MCM5: variants seen among roughly 807,000 people sequenced by gnomAD.
The protein encoded by MCM5 is minichromosome maintenance complex component 5, also known as DNA replication licensing factor MCM5.
A neutral mutation model predicts 79.9 loss-of-function variants in MCM5; 46 were observed. The observed-to-expected ratio is 0.58, with a 90% confidence interval of 0.45 to 0.74. The LOEUF (loss-of-function observed/expected upper bound fraction) is 0.74. MCM5 is among the 30% of genes least tolerant of loss of function. MCM5 has a pLI of 0.00. For synonymous variants in MCM5, 404 were observed against 390.5 expected (o/e 1.03, Z -0.41); for missense variants, 883 against 1,017.0 (o/e 0.87, Z 1.79).
In MCM5 at chr22:35,401,786, C is replaced by G. The variant is rs1932061917; in HGVS notation, c.167+1181C>G. The G allele has an allele frequency of 9.3e-5, 42 of 450,394 alleles. 1 individual carries two copies. Among genetic ancestry groups the G allele is most frequent in the South Asian group, 6.6e-4 (42 of 63,264 alleles). 27.9% of individuals were successfully genotyped at this position (450,394 alleles called of 1,614,324 possible). A position where few individuals can be genotyped will look rare whatever the true frequency, so the allele number is the denominator to read the frequency against. On this transcript the variant is annotated intron_variant, in intron 2 of 16. Transcript: ENST00000216122. The stretch of plus-strand genomic sequence containing the variant: ...GTCGTGAAGACCAACAGATAACTTC[C>G]ACGGTGGTCATTTCCTCCACAGAGG...
At chr22:35,439,442 T>C in the MCM5 span, among the ~76,000 whole-genome samples, 1 of 5,976 alleles carries the variant, frequency 1.7e-4, no homozygotes, top group East Asian at 1.3e-3. Context: ...CACCCACATA[T>C]TAATCCATTC....
chr22:35,437,796 C>T, the MCM5 span, among the ~76,000 whole-genome samples: 2 of 152,152 alleles, frequency 1.3e-5, no homozygotes, highest in East Asian at 3.8e-4. Context: ...AAAACTGATG[C>T]TGGTTTAATG....
the MCM5 span, among the ~76,000 whole-genome samples, chr22:35,430,881 A>G: frequency 1.4e-5 from 2 of 147,330 alleles, no homozygotes; most frequent in African/African-American, 5.1e-5. Flanking sequence ...CCTTGTCTCT[A>G]GCTTTGGTCT....
At chr22:35,403,370 C>T (rs1219770503) in intron 3 of MCM5, 37 bp downstream of exon 3, 1 of 1,614,104 alleles carries the variant, frequency 6.2e-7, no homozygotes, top group Non-Finnish European at 8.5e-7. Context: ...CCCAGGGCTG[C>T]TCTGCCCCAG....
Position 35,423,195 on chromosome 22 carries a change from C to T in MCM5, c.1976-19C>T. 6.5e-7 allele frequency: 1 copy of T among 1,543,972 alleles called. No homozygotes were observed. On this transcript the variant is annotated intron_variant, in intron 15 of 16. Transcript: ENST00000216122. The stretch of plus-strand genomic sequence containing the variant: ...CATTGTCCCAGCTCCCCGGCTGCCT[C>T]ACTTCTCCATGCCCACAGGGGTGGA...
chr22:35,411,024 C>T, intron 7 of MCM5, 114 bp downstream of exon 7: 1 of 916,324 alleles, frequency 1.1e-6, no homozygotes, highest in Non-Finnish European at 1.6e-6. Flanking sequence ...TTGTGTTGCT[C>T]ATATCATTAG....
chr22:35,400,749 G>C (rs1932020837), intron 2 of MCM5, 144 bp downstream of exon 2: 3 of 805,720 alleles, frequency 3.7e-6, no homozygotes, highest in Non-Finnish European at 5.7e-6. Context: ...GGCTCATCCC[G>C]GCAGCCTCAC....
rs761707670 is a variant in MCM5, at chr22:35,400,463, A to G, written c.25A>G (p.Ile9Val). Residue 9 changes from isoleucine to valine, a missense_variant, in exon 2 of 17, where the codon ATT becomes GTT. This residue lies in a region of MCM5 where 455 missense variants were observed against 517.5 expected (regional missense o/e 0.88). Transcript: ENST00000216122. ...CATGTCGGGATTCGACGATCCTGGCATTTTCTACAGCGACAGCTTCGGGGG... is the reference window on the plus strand; with the variant it reads ...CATGTCGGGATTCGACGATCCTGGCGTTTTCTACAGCGACAGCTTCGGGGG... MSGFDDPG[I>V]FYSDSFGGDA... 8 of 1,614,008 alleles carry G rather than the reference A, an allele frequency of 5.0e-6. No homozygotes were observed. Among genetic ancestry groups the G allele is most frequent in the South Asian group, 2.2e-5 (2 of 91,080 alleles).
In MCM5 at chr22:35,425,277, A is replaced by C. The variant is rs939858804; in HGVS notation, c.*1022A>C. ...GTGAAATAAAATATTTGATATTTAA[A>C]ATACATTTAGAAATACAAAGTGTCA... is the stretch of plus-strand genomic sequence containing the variant. On this transcript the variant is annotated 3_prime_UTR_variant, in exon 17 of 17. Coordinates refer to ENST00000216122, the MANE Select transcript of MCM5 (RefSeq NM_006739.4). The C allele has an allele frequency of 6.6e-6, 1 of 152,264 alleles. No homozygotes were observed. Among genetic ancestry groups the C allele is most frequent in the Non-Finnish European group, 1.5e-5 (1 of 68,046 alleles). 9.4% of individuals were successfully genotyped at this position (152,264 alleles called of 1,614,324 possible).
At chr22:35,421,733 G>T in intron 15 of MCM5, 1 of 494,868 alleles carries the variant, frequency 2.0e-6, no homozygotes, top group South Asian at 2.0e-5. Context: ...TCACTGGCTA[G>T]GAACAACAGT....
At chr22:35,448,328 C>G in the MCM5 span, among the ~76,000 whole-genome samples, 2 of 152,032 alleles carry the variant, frequency 1.3e-5, no homozygotes, top group African/African-American at 4.8e-5. Flanking sequence ...TCTGGGGTCC[C>G]AGCCTCCTTT....
At chr22:35,447,047 A>G in the MCM5 span, among the ~76,000 whole-genome samples, 7 of 152,202 alleles carry the variant, frequency 4.6e-5, no homozygotes, top group African/African-American at 1.4e-4. Flanking sequence ...GAACCAGCTC[A>G]GGGACGGCAG....
chr22:35,418,475 C>T (rs1338144790), intron 13 of MCM5, among the ~76,000 whole-genome samples: 2 of 152,040 alleles, frequency 1.3e-5, no homozygotes, highest in Non-Finnish European at 2.9e-5. Flanking sequence ...GCCTGGCCAA[C>T]GTGGCGAAAC....
At chr22:35,403,652 T>A in intron 4 of MCM5, 110 bp downstream of exon 4, 1 of 1,344,374 alleles carries the variant, frequency 7.4e-7, no homozygotes, top group Non-Finnish European at 1.0e-6. Flanking sequence ...TCTGAACCTG[T>A]CTCCTCCTGG....
chr22:35,453,827 G>GAGAT, the MCM5 span, among the ~76,000 whole-genome samples: 2 of 137,382 alleles, frequency 1.5e-5, no homozygotes, highest in Non-Finnish European at 3.2e-5. Context: ...TATAGAGAGA[G>GAGAT]AGAGAGAGAG....
At chr22:35,430,350 A>T (rs1932803992), downstream of MCM5, among the ~76,000 whole-genome samples, 1 of 152,212 alleles carries the variant, frequency 6.6e-6, no homozygotes, top group Non-Finnish European at 1.5e-5. Flanking sequence ...GATACAGTGA[A>T]ATAACAAGAG....
chr22:35,428,626 TAA>T (rs1932792658), downstream of MCM5, among the ~76,000 whole-genome samples: 1 of 152,184 alleles, frequency 6.6e-6, no homozygotes, highest in Non-Finnish European at 1.5e-5. Flanking sequence ...TGGCTTGCTC[TAA>T]CAGAAGGGCT....
rs909558843 is a variant in MCM5 at position 35,420,108 on chromosome 22, C to T, written c.1832+96C>T. On this transcript the variant is annotated intron_variant, in intron 14 of 16. Coordinates refer to ENST00000216122, the MANE Select transcript of MCM5 (RefSeq NM_006739.4). ...CAGGGGCAGTGGTCCAGGCTTTTCACTTGGCACAGGCCCATAGTAGCTCTG... is the reference window on the plus strand; with the variant it reads ...CAGGGGCAGTGGTCCAGGCTTTTCATTTGGCACAGGCCCATAGTAGCTCTG... 1.4e-5 allele frequency: 20 copies of T among 1,434,564 alleles called. No homozygotes were observed. In the African/African-American group the frequency reaches 1.9e-4, roughly 13 times the overall value. The allele number at this position is 1,434,564 out of a possible 1,614,324, so 88.9% of individuals were successfully genotyped here. A position where few individuals can be genotyped will look rare whatever the true frequency, so the allele number is the denominator to read the frequency against.
the MCM5 span, among the ~76,000 whole-genome samples, chr22:35,433,388 A>C: frequency 6.6e-6 from 1 of 152,178 alleles, no homozygotes. Flanking sequence ...CACAGCCCTG[A>C]CTGCAACCTC....
Sources: gnomAD v4.1 joint callset for allele counts (sites outside exome capture counted in the v4.1 genomes callset) on GRCh38, gnomAD v4.1.1 for gene constraint, gnomAD v4.1.1 regional missense constraint, MANE v1.5 for transcripts, NCBI Gene and HGNC (gene_info 2026-07-23, HGNC 2026-07-21) for gene names.